MICB: variants seen among roughly 807,000 people sequenced by gnomAD.
MICB encodes the protein MHC class I antigen-related protein B.
Under a neutral mutation model 34.3 loss-of-function variants are expected in MICB, and 27 were observed. That is an observed-to-expected ratio of 0.79 (90% CI 0.58 to 1.08). MICB has a LOEUF of 1.08. Ranked by LOEUF, MICB falls within the 50% of genes least tolerant of loss-of-function variation. MICB has a pLI of 0.00. For missense variants in MICB, 426 were observed against 483.1 expected (o/e 0.88, Z 1.11); for synonymous variants, 153 against 187.4 (o/e 0.82, Z 1.50).
Position 31,503,605 on chromosome 6 carries a change from C to T in MICB, c.71-2012C>T, listed in dbSNP as rs560308791. On this transcript the variant is annotated intron_variant, in intron 1 of 5. Coordinates refer to ENST00000252229, the MANE Select transcript of MICB (RefSeq NM_005931.5). Reference sequence around the variant, plus strand: ...TCACTTATAATATTTCGAGGTTCATCCAGGTTGTAGTATGGGTCAGATTTT... The same window carrying T: ...TCACTTATAATATTTCGAGGTTCATTCAGGTTGTAGTATGGGTCAGATTTT... 3.3e-5 allele frequency among the ~76,000 whole-genome samples: 5 copies of T among 152,210 alleles called. No homozygotes were observed. In the South Asian group the frequency reaches 1.0e-3, roughly 32 times the overall value.
intron 1 of MICB, among the ~76,000 whole-genome samples, chr6:31,499,514 C>T (rs1764903811): frequency 6.6e-6 from 1 of 151,134 alleles, no homozygotes; most frequent in African/African-American, 2.4e-5. Context: ...TCCCAAATGT[C>T]CCTGACTCTA....
upstream of MICB, among the ~76,000 whole-genome samples, chr6:31,495,589 G>A (rs1764609738): frequency 6.6e-6 from 1 of 152,132 alleles, no homozygotes; most frequent in East Asian, 1.9e-4. Context: ...AAAAGTGTAG[G>A]CTAGGGATGA....
chr6:31,503,445 A>G (rs3094002), intron 1 of MICB, among the ~76,000 whole-genome samples: 122,110 of 152,122 alleles, frequency 0.8, 49,302 homozygotes, highest in East Asian at 0.91. Context: ...CCCATTAATC[A>G]GTAACTCCCC....
In MICB at chr6:31,498,261, C is replaced by G; in HGVS notation, c.68C>G (p.Ala23Gly). Residue 23 changes from alanine to glycine, a missense_variant and splice_region_variant, in exon 1 of 6, where the codon GCT (alanine) becomes GGT (glycine). Coordinates refer to ENST00000252229, the MANE Select transcript of MICB (RefSeq NM_005931.5). Reference protein sequence around the residue: ...AFPFAPPAAAAEPHSLRYNLM... With the variant: ...AFPFAPPAAAGEPHSLRYNLM... ...CCTTTTGCACCCCCGGCAGCCGCCG[C>G]TGGTGAGTGGGGTTCCTGGCGGTCC... 6.4e-7 allele frequency: 1 copy of G among 1,568,882 alleles called. No individual in the cohort carries two copies. Among genetic ancestry groups the G allele is most frequent in the South Asian group, 1.1e-5 (1 of 88,356 alleles).
intron 1 of MICB, among the ~76,000 whole-genome samples, chr6:31,503,725 T>G (rs1178166341): frequency 6.6e-6 from 1 of 152,222 alleles, no homozygotes; most frequent in African/African-American, 2.4e-5. Context: ...TACTTCTACC[T>G]TTTGGATATT....
upstream of MICB, among the ~76,000 whole-genome samples, chr6:31,497,157 A>G (rs3828909): frequency 0.34 from 51,260 of 151,800 alleles, 8,768 homozygotes; most frequent in East Asian, 0.46. Flanking sequence ...GACTAAGACT[A>G]TGGCTGTGGG....
chr6:31,509,755 G>T, intron 5 of MICB, 27 bp from the exon 6 acceptor site: 1 of 1,592,976 alleles, frequency 6.3e-7, no homozygotes, highest in South Asian at 1.1e-5. Context: ...ACCCAGTGGA[G>T]CATTTACCCG....
At chr6:31,499,913 A>C (rs559107344) in intron 1 of MICB, among the ~76,000 whole-genome samples, 89 of 150,262 alleles carry the variant, frequency 5.9e-4, no homozygotes, top group African/African-American at 1.2e-3. Context: ...CAGTGCTGAG[A>C]ATCTTTCCCA....
chr6:31,506,169 G>T lies in MICB; in HGVS notation c.352G>T (p.Val118Phe). Residue 118 changes from valine to phenylalanine, a missense_variant, in exon 3 of 6, where the codon GTC (valine) becomes TTC (phenylalanine). Physicochemically the swap from Val to Phe is conservative, Grantham distance 50. Transcript: ENST00000252229. ...CTTGCATTCCCTCCAGGAGATTAGG[G>T]TCTGTGAGATCCATGAAGACAGCAG... Reference protein sequence around the residue: ...GGLHSLQEIRVCEIHEDSSTR... With the variant: ...GGLHSLQEIRFCEIHEDSSTR... 6.2e-7 allele frequency: 1 copy of T among 1,613,958 alleles called. No homozygotes were observed.
upstream of MICB, among the ~76,000 whole-genome samples, chr6:31,495,941 G>A (rs3828901): frequency 5.9e-3 from 892 of 152,184 alleles, 9 homozygotes; most frequent in African/African-American, 0.015. Context: ...GGGCACAGTC[G>A]GTACCATCAG....
intron 1 of MICB, chr6:31,498,687 T>A (rs1479157157): frequency 6.4e-6 from 1 of 155,932 alleles, no homozygotes; most frequent in African/African-American, 2.4e-5. Context: ...CAGGATGGTC[T>A]CGATCTCCTG....
Position 31,498,271 on chromosome 6 carries a change from G to T in MICB, c.70+8G>T, listed in dbSNP as rs1171868548. ...CCCCGGCAGCCGCCGCTGGTGAGTG[G>T]GGTTCCTGGCGGTCCCCGGCGGAGC... On this transcript the variant is annotated splice_region_variant and intron_variant, in intron 1 of 5. Coordinates refer to ENST00000252229, the MANE Select transcript of MICB (RefSeq NM_005931.5). 1.4e-5 allele frequency: 22 copies of T among 1,559,892 alleles called. No homozygotes were observed. The highest frequency in any genetic ancestry group is 1.9e-5 in the Non-Finnish European group (22 of 1,150,516).
Position 31,510,036 on chromosome 6 carries a change from T to C in MICB, c.*127T>C. 8.5e-7 allele frequency: 1 copy of C among 1,176,576 alleles called. No individual in the cohort carries two copies. Among genetic ancestry groups the C allele is most frequent in the East Asian group, 2.5e-5 (1 of 39,264 alleles). The allele number at this position is 1,176,576 out of a possible 1,614,324, so 72.9% of individuals were successfully genotyped here. On this transcript the variant is annotated 3_prime_UTR_variant, in exon 6 of 6. Transcript: ENST00000252229. ...TTTATTGTTGTTGGATGCTGCAAAG[T>C]GTTAGTAGGTATGAGGTGTTTGCTG...
intron 2 of MICB, 58 bp from the exon 3 acceptor site, chr6:31,506,085 A>G: frequency 2.6e-6 from 4 of 1,551,174 alleles, no homozygotes; most frequent in Non-Finnish European, 3.5e-6. Flanking sequence ...TGAGTTCCTC[A>G]CTTGGGTGGA....
rs1381960397 is a variant in MICB, at chr6:31,506,291, TC to T, written c.475del (p.Gln159ArgfsTer5). ...CGACAGTGCCCCAGTCCTCCAGAGCTCAGACCTTGGCTATGAACGTCACAAA... is the reference window on the plus strand; with the variant it reads ...CGACAGTGCCCCAGTCCTCCAGAGCTAGACCTTGGCTATGAACGTCACAAA... ...ESTVPQSSRA[Q>X]TLAMNVTNFW... is the part of the protein sequence containing the mutation. On this transcript the variant is annotated frameshift_variant, in exon 3 of 6. Transcript: ENST00000252229. LOFTEE classifies it high-confidence loss of function. The T allele has an allele frequency of 1.9e-6, 3 of 1,614,178 alleles. No individual in the cohort carries two copies. In the Admixed American group the frequency reaches 5.0e-5, roughly 27 times the overall value.
At chr6:31,504,050 A>G (rs1765149264) in intron 1 of MICB, among the ~76,000 whole-genome samples, 1 of 150,408 alleles carries the variant, frequency 6.6e-6, no homozygotes, top group African/African-American at 2.5e-5. Flanking sequence ...GCATTTTCCT[A>G]ATGAGTACTG....
At chr6:31,496,164 A>G (rs897021659), upstream of MICB, among the ~76,000 whole-genome samples, 2 of 151,936 alleles carry the variant, frequency 1.3e-5, no homozygotes, top group East Asian at 1.9e-4. Context: ...AGATGTCCCA[A>G]TGACTAAGAA....
At chr6:31,499,045 GC>G (rs1315462575) in intron 1 of MICB, among the ~76,000 whole-genome samples, 1 of 149,072 alleles carries the variant, frequency 6.7e-6, no homozygotes, top group African/African-American at 2.6e-5. Flanking sequence ...CTCCTGGGCC[GC>G]AGCTCCTGGA....
intron 1 of MICB, among the ~76,000 whole-genome samples, chr6:31,505,138 T>G (rs941049027): frequency 6.6e-6 from 1 of 151,452 alleles, no homozygotes; most frequent in African/African-American, 2.4e-5. Context: ...CCCTCCCTTG[T>G]CCCCACCATG....
Sources: allele counts gnomAD v4.1 joint callset (sites outside exome capture counted in the v4.1 genomes callset), GRCh38; gene constraint gnomAD v4.1.1; transcripts MANE v1.5; gene names NCBI Gene and HGNC (gene_info 2026-07-23, HGNC 2026-07-21).